PPP2R2B: variants seen among roughly 807,000 people sequenced by gnomAD.
PPP2R2B encodes the protein serine/threonine-protein phosphatase 2A 55 kDa regulatory subunit B beta isoform.
In PPP2R2B, 5 loss-of-function variants were observed where a neutral mutation model predicts 46.0. The ratio of observed to expected loss-of-function variants is 0.11; its 90% confidence interval spans 0.06 to 0.23. The LOEUF (loss-of-function observed/expected upper bound fraction) is 0.23. PPP2R2B is among the 10% of genes least tolerant of loss of function. The pLI is 1.00. For synonymous variants in PPP2R2B, 215 were observed against 206.7 expected (o/e 1.04, Z -0.34); for missense variants, 367 against 575.0 (o/e 0.64, Z 3.70).
At chr5:146,634,232 C>T (rs976610077) in intron 7 of PPP2R2B, among the ~76,000 whole-genome samples, 5 of 152,214 alleles carry the variant, frequency 3.3e-5, no homozygotes, top group African/African-American at 4.8e-5. Context: ...AAAGAGAACT[C>T]CTCTGCCAGA....
chr5:146,976,282 C>T (rs1202420690), intron 1 of PPP2R2B, among the ~76,000 whole-genome samples: 2 of 151,838 alleles, frequency 1.3e-5, no homozygotes, highest in African/African-American at 4.8e-5. Flanking sequence ...GGACTACAGG[C>T]ATGCACCACT....
At chr5:146,816,778 TATGGAG>T (rs1757957379) in intron 2 of PPP2R2B, among the ~76,000 whole-genome samples, 4 of 152,178 alleles carry the variant, frequency 2.6e-5, no homozygotes, top group East Asian at 3.9e-4. Flanking sequence ...CAGAGACCCA[TATGGAG>T]GAGCTGATTC....
At chr5:146,768,106 C>G (rs1754604013) in intron 2 of PPP2R2B, among the ~76,000 whole-genome samples, 1 of 151,684 alleles carries the variant, frequency 6.6e-6, no homozygotes, top group African/African-American at 2.4e-5. Flanking sequence ...CAGGGTCTTA[C>G]TCCGTCACCC....
intron 2 of PPP2R2B, among the ~76,000 whole-genome samples, chr5:146,826,841 T>C (rs1010731010): frequency 3.0e-4 from 46 of 152,146 alleles, no homozygotes; most frequent in Non-Finnish European, 1.5e-5. Flanking sequence ...ATATCACTTC[T>C]GCCTACACCA....
chr5:146,874,119 A>AC (rs1211861152), intron 2 of PPP2R2B, among the ~76,000 whole-genome samples: 2 of 152,170 alleles, frequency 1.3e-5, no homozygotes, highest in Non-Finnish European at 2.9e-5. Context: ...CCACCTTATG[A>AC]CCCCAAGGCA....
chr5:146,978,353 G>A (rs1582536036), intron 1 of PPP2R2B, among the ~76,000 whole-genome samples: 1 of 152,050 alleles, frequency 6.6e-6, no homozygotes, highest in South Asian at 2.1e-4. Flanking sequence ...TTCTTTTGCT[G>A]TGCAGAAGCT....
intron 2 of PPP2R2B, among the ~76,000 whole-genome samples, chr5:146,738,355 C>T (rs949903232): frequency 7.1e-6 from 1 of 140,062 alleles, no homozygotes; most frequent in African/African-American, 2.7e-5. Flanking sequence ...GAGATCATGC[C>T]ACTGCACTCC....
At chr5:146,808,344 T>C (rs1757315569) in intron 2 of PPP2R2B, among the ~76,000 whole-genome samples, 1 of 152,230 alleles carries the variant, frequency 6.6e-6, no homozygotes. Context: ...AATATTTCCA[T>C]CGTCAGAGCA....
intron 1 of PPP2R2B, among the ~76,000 whole-genome samples, chr5:147,021,062 T>G (rs780069190): frequency 5.3e-5 from 8 of 152,184 alleles, no homozygotes; most frequent in Non-Finnish European, 1.0e-4. Context: ...GACTTTTGTT[T>G]CTGATCATGG....
intron 2 of PPP2R2B, among the ~76,000 whole-genome samples, chr5:146,808,395 G>GA (rs894793661): frequency 3.9e-5 from 6 of 152,170 alleles, no homozygotes; most frequent in African/African-American, 1.4e-4. Flanking sequence ...TCCAATTGCT[G>GA]AAAATCATCA....
chr5:146,749,606 C>CTTTTTTT (rs1045634394), intron 2 of PPP2R2B, among the ~76,000 whole-genome samples: 1 of 103,850 alleles, frequency 9.6e-6, no homozygotes, highest in Admixed American at 9.6e-5. Context: ...CTTTTCTTTT[C>CTTTTTTT]TTTTTTTTTT....
intron 7 of PPP2R2B, among the ~76,000 whole-genome samples, chr5:146,622,448 C>T (rs1773765555): frequency 6.6e-6 from 1 of 152,136 alleles, no homozygotes; most frequent in African/African-American, 2.4e-5. Flanking sequence ...TGTCTGACCC[C>T]AGAACCAGCA....
intron 1 of PPP2R2B, among the ~76,000 whole-genome samples, chr5:146,915,472 A>G (rs1010194278): frequency 7.5e-5 from 11 of 146,080 alleles, no homozygotes; most frequent in Non-Finnish European, 1.7e-4. Flanking sequence ...ACACACACAC[A>G]CGTACACATG....
At chr5:146,899,045 C>T (rs1319915876) in intron 1 of PPP2R2B, among the ~76,000 whole-genome samples, 2 of 151,660 alleles carry the variant, frequency 1.3e-5, no homozygotes, top group Middle Eastern at 6.3e-3. Flanking sequence ...ACTAGTTCAA[C>T]CATTGTGGAA....
At chr5:147,062,862 C>T (rs530003154) in intron 2 of PPP2R2B, among the ~76,000 whole-genome samples, 2 of 151,448 alleles carry the variant, frequency 1.3e-5, no homozygotes, top group Admixed American at 1.3e-4. Context: ...CTATCAATGC[C>T]TCCAGAGATC....
chr5:146,866,647 T>C (rs10043000), intron 2 of PPP2R2B, among the ~76,000 whole-genome samples: 1 of 141,582 alleles, frequency 7.1e-6, no homozygotes, highest in Non-Finnish European at 1.5e-5. Flanking sequence ...TACACACACA[T>C]ATATATGCAC....
intron 1 of PPP2R2B, among the ~76,000 whole-genome samples, chr5:147,008,723 A>G (rs549180000): frequency 6.6e-6 from 1 of 152,282 alleles, no homozygotes; most frequent in Non-Finnish European, 1.5e-5. Context: ...GCCTCATTTA[A>G]GGCACACCTC....
At chr5:146,632,734 T>C (rs573832517) in intron 7 of PPP2R2B, among the ~76,000 whole-genome samples, 97 of 152,268 alleles carry the variant, frequency 6.4e-4, no homozygotes, top group African/African-American at 2.3e-3. Context: ...TGACATTTTC[T>C]CAGAAACTTA....
intron 2 of PPP2R2B, among the ~76,000 whole-genome samples, chr5:146,808,410 A>G (rs1459835321): frequency 2.0e-5 from 3 of 152,170 alleles, no homozygotes; most frequent in African/African-American, 7.2e-5. Flanking sequence ...TCATCACTCT[A>G]TCACTGGCCT....
Sources: allele counts gnomAD v4.1 joint callset (sites outside exome capture counted in the v4.1 genomes callset), GRCh38; gene constraint gnomAD v4.1.1; transcripts MANE v1.5; gene names NCBI Gene and HGNC (gene_info 2026-07-23, HGNC 2026-07-21).